Variants in MYO6 observed in about 807,000 individuals in gnomAD.
MYO6 encodes unconventional myosin-VI.
A neutral mutation model predicts 178.7 loss-of-function variants in MYO6; 74 were observed. The ratio of observed to expected loss-of-function variants is 0.41; its 90% CI spans 0.34 to 0.50. The LOEUF (loss-of-function observed/expected upper bound fraction) is 0.50. Among genes scored for constraint, MYO6 ranks in the 20% least tolerant of loss-of-function variants. The pLI is 0.09. For missense variants in MYO6, 1,330 were observed against 1,547.4 expected (o/e 0.86, Z 2.36); for synonymous variants, 477 against 504.6 (o/e 0.95, Z 0.73).
chr6:75,800,120 T>C (rs1293520839), intron 1 of MYO6, among the ~76,000 whole-genome samples: 1 of 152,212 alleles, frequency 6.6e-6, no homozygotes, highest in Non-Finnish European at 1.5e-5. Context: ...GTTTGTAGAA[T>C]GCATTTGTAA....
intron 1 of MYO6, among the ~76,000 whole-genome samples, chr6:75,808,083 C>T (rs1004622175): frequency 2.4e-4 from 37 of 152,160 alleles, no homozygotes; most frequent in African/African-American, 8.9e-4. Context: ...AAAAATTATT[C>T]TAACACTTGT....
At chr6:75,818,277 G>A (rs1481196965) in intron 2 of MYO6, among the ~76,000 whole-genome samples, 8 of 152,140 alleles carry the variant, frequency 5.3e-5, no homozygotes, top group East Asian at 1.9e-4. Context: ...GTTGTGACTC[G>A]TTTACAGAGA....
intron 6 of MYO6, among the ~76,000 whole-genome samples, chr6:75,834,090 A>AT (rs1307108746): frequency 6.6e-6 from 1 of 152,094 alleles, no homozygotes; most frequent in African/African-American, 2.4e-5. Context: ...GGTTAAAACC[A>AT]TTTTTTACCT....
intron 1 of MYO6, among the ~76,000 whole-genome samples, chr6:75,779,056 CAAAAAAAAAAAAAA>C (rs142469441): frequency 1.5e-5 from 1 of 64,530 alleles, no homozygotes; most frequent in Non-Finnish European, 2.9e-5. Context: ...GACTTTGTCT[CAAAAAAAAAAAAAA>C]AAAAAAAAAA....
chr6:75,789,726 C>G (rs892146719), intron 1 of MYO6, among the ~76,000 whole-genome samples: 22 of 152,104 alleles, frequency 1.4e-4, no homozygotes, highest in African/African-American at 5.3e-4. Flanking sequence ...CTGCTTTAAA[C>G]GTGTCATTTC....
intron 1 of MYO6, among the ~76,000 whole-genome samples, chr6:75,806,750 C>A (rs917894332): frequency 6.6e-6 from 1 of 152,226 alleles, no homozygotes; most frequent in Non-Finnish European, 1.5e-5. Context: ...CCAGACCCAC[C>A]CCTTTATTTA....
chr6:75,892,113 G>T (rs1245533582), intron 27 of MYO6, among the ~76,000 whole-genome samples: 1 of 152,188 alleles, frequency 6.6e-6, no homozygotes, highest in Non-Finnish European at 1.5e-5. Flanking sequence ...AAAGTCCCAT[G>T]TTGAGAATAA....
At chr6:75,791,277 A>C (rs1768220083) in intron 1 of MYO6, among the ~76,000 whole-genome samples, 1 of 152,184 alleles carries the variant, frequency 6.6e-6, no homozygotes. Context: ...ATGCAGTTAG[A>C]AAGTTTTGGA....
At chr6:75,803,489 G>T (rs1030063801) in intron 1 of MYO6, among the ~76,000 whole-genome samples, 8 of 152,092 alleles carry the variant, frequency 5.3e-5, no homozygotes, top group South Asian at 4.1e-4. Context: ...TTCAGAAGGG[G>T]TGTCATAGCT....
At chr6:75,805,537 T>C (rs1006433135) in intron 1 of MYO6, among the ~76,000 whole-genome samples, 1 of 152,200 alleles carries the variant, frequency 6.6e-6, no homozygotes, top group Non-Finnish European at 1.5e-5. Flanking sequence ...TGATATACTT[T>C]TAACCTTTTG....
chr6:75,836,137 C>T (rs1029290454), intron 7 of MYO6, among the ~76,000 whole-genome samples, 181 bp downstream of exon 7: 1 of 152,206 alleles, frequency 6.6e-6, no homozygotes, highest in East Asian at 1.9e-4. Flanking sequence ...ACCCGCACCT[C>T]ATGAAAACAC....
intron 16 of MYO6, among the ~76,000 whole-genome samples, chr6:75,863,674 C>T (rs547785379): frequency 3.3e-5 from 5 of 152,076 alleles, no homozygotes; most frequent in South Asian, 4.2e-4. Flanking sequence ...TTAGTAGAGA[C>T]GGGGTTTCAC....
At chr6:75,906,856 C>T (rs765382522) in intron 30 of MYO6, among the ~76,000 whole-genome samples, 51 of 152,142 alleles carry the variant, frequency 3.4e-4, no homozygotes, top group Non-Finnish European at 2.9e-4. Context: ...GCACTTGTGC[C>T]CTTTGAAATC....
At chr6:75,831,501 G>A (rs76123546) in intron 5 of MYO6, among the ~76,000 whole-genome samples, 2,456 of 152,218 alleles carry the variant, frequency 0.016, 69 homozygotes, top group African/African-American at 0.056. Context: ...ACCTGAATAC[G>A]AGCAAACATC....
At chr6:75,864,938 A>C (rs1283362897) in intron 16 of MYO6, among the ~76,000 whole-genome samples, 1 of 152,190 alleles carries the variant, frequency 6.6e-6, no homozygotes, top group Non-Finnish European at 1.5e-5. Context: ...CTAATATGGC[A>C]TGTAAAGAAA....
chr6:75,900,993 C>G (rs1022908092), intron 30 of MYO6, among the ~76,000 whole-genome samples: 3 of 151,528 alleles, frequency 2.0e-5, no homozygotes, highest in African/African-American at 7.3e-5. Context: ...AATAGGGAAT[C>G]CTTTCCCCAT....
intron 1 of MYO6, among the ~76,000 whole-genome samples, chr6:75,815,038 T>C (rs1024365417): frequency 6.6e-6 from 1 of 152,082 alleles, no homozygotes; most frequent in Admixed American, 6.5e-5. Flanking sequence ...AGAAATGAAA[T>C]GATTAGATTT....
At chr6:75,854,665 C>T (rs1338667664) in intron 11 of MYO6, among the ~76,000 whole-genome samples, 2 of 152,162 alleles carry the variant, frequency 1.3e-5, no homozygotes, top group African/African-American at 2.4e-5. Flanking sequence ...AATATGAGTA[C>T]ATGCTTATTA....
chr6:75,905,641 C>G (rs1780250894), intron 30 of MYO6, among the ~76,000 whole-genome samples: 1 of 152,244 alleles, frequency 6.6e-6, no homozygotes, highest in African/African-American at 2.4e-5. Context: ...TGAGATGAAC[C>G]TGGTACCTCA....
Sources: gnomAD v4.1 joint callset for allele counts (sites outside exome capture counted in the v4.1 genomes callset) on GRCh38, gnomAD v4.1.1 for gene constraint, MANE v1.5 for transcripts, NCBI Gene and HGNC (gene_info 2026-07-23, HGNC 2026-07-21) for gene names.